Variants in XPOT observed in about 807,000 individuals in gnomAD.
XPOT encodes exportin-T.
XPOT carries 34 observed loss-of-function variants against 128.2 expected under a neutral mutation model. That is an observed-to-expected ratio of 0.27 (90% CI 0.20 to 0.35). XPOT has a LOEUF of 0.35. Ranked by LOEUF, XPOT falls within the 10% of genes least tolerant of loss-of-function variation. The pLI, the probability that XPOT is intolerant of heterozygous loss-of-function variation, is 1.00. For missense variants in XPOT, 838 were observed against 1,125.3 expected, an observed-to-expected ratio of 0.74 and a Z score of 3.65; for synonymous variants, 348 against 394.3, an observed-to-expected ratio of 0.88 and a Z score of 1.39.
chr12:64,434,420 A>T lies in XPOT; in HGVS notation c.2453-87A>T, dbSNP rs539637236. ...CCATTCCACCTGTAAATGATTTTTG[A>T]CTTGTTAATGTATATGAAAAGAGAA... On this transcript the variant is annotated intron_variant, in intron 19 of 24. Transcript: ENST00000332707. The T allele has an allele frequency of 3.7e-6, 3 of 817,586 alleles. No individual in the cohort carries two copies. In the East Asian group the frequency reaches 7.6e-5, roughly 21 times the overall value. 50.6% of individuals were successfully genotyped at this position (817,586 alleles called of 1,614,324 possible).
intron 15 of XPOT, among the ~76,000 whole-genome samples, chr12:64,426,397 G>A (rs555000418): frequency 1.3e-5 from 2 of 151,930 alleles, no homozygotes; most frequent in Admixed American, 6.6e-5. Context: ...ACAGCAACAT[G>A]GATGCAGCTG....
At chr12:64,442,939 G>C (rs1466492910) in intron 23 of XPOT, 1 of 152,732 alleles carries the variant, frequency 6.5e-6, no homozygotes, top group Non-Finnish European at 1.5e-5. Context: ...TCTGCCTCCC[G>C]GGTTCAAGCG....
rs1424144575 is a variant in XPOT, at chr12:64,428,102, A to G, written c.1719A>G (p.Leu573=). 2 of 1,573,092 alleles carry G rather than the reference A, an allele frequency of 1.3e-6. No homozygotes were observed. ...IEDILNRIQD[L]LELSPPENGH... is the part of the protein sequence containing the mutation. ...ATATTTTGAATAGAATACAAGATTTATTAGAGCTTTCTCCACCTGTAAGTA... is the reference window on the plus strand; with the variant it reads ...ATATTTTGAATAGAATACAAGATTTGTTAGAGCTTTCTCCACCTGTAAGTA... The change falls in exon 16 of 25, where the codon TTA becomes TTG. Residue 573 remains leucine (L), a synonymous_variant. Transcript: ENST00000332707.
chr12:64,436,045 C>T (rs1269363880), intron 22 of XPOT, among the ~76,000 whole-genome samples: 5 of 152,016 alleles, frequency 3.3e-5, no homozygotes, highest in Non-Finnish European at 7.4e-5. Context: ...CGACCCCTGC[C>T]TCCCAGATTC....
chr12:64,441,604 T>G (rs1399743766), intron 23 of XPOT, among the ~76,000 whole-genome samples: 1 of 152,238 alleles, frequency 6.6e-6, no homozygotes, highest in East Asian at 1.9e-4. Flanking sequence ...CTTGGAACTC[T>G]TATACGGATT....
intron 14 of XPOT, 51 bp downstream of exon 14, chr12:64,425,508 G>T: frequency 1.3e-6 from 2 of 1,599,302 alleles, no homozygotes; most frequent in South Asian, 2.2e-5. Flanking sequence ...CTAATGACTT[G>T]ATAGTGTAGT....
chr12:64,421,729 CTTTA>C (rs1170165607), intron 9 of XPOT, among the ~76,000 whole-genome samples: 7 of 150,470 alleles, frequency 4.7e-5, no homozygotes, highest in Non-Finnish European at 1.0e-4. Flanking sequence ...TTGAACCTGT[CTTTA>C]TTTGTGAATA....
chr12:64,410,095 G>A lies in XPOT; in HGVS notation c.60G>A (p.Arg20=). ...NPNADSDFRQ[R]ALAYFEQLKI... ...ATGCTGATTCAGACTTTAGACAAAG[G>A]GTAAGTTACTCTGCTGAATCATTTT... is the stretch of plus-strand genomic sequence containing the variant. Residue 20 remains arginine (R), a splice_region_variant and synonymous_variant, in exon 2 of 25, where the codon AGG becomes AGA. Coordinates refer to ENST00000332707, the MANE Select transcript of XPOT (RefSeq NM_007235.6). 2 of 1,613,434 alleles carry A rather than the reference G, an allele frequency of 1.2e-6. No individual in the cohort carries two copies. The highest frequency in any genetic ancestry group is 1.7e-6 in the Non-Finnish European group (2 of 1,179,812).
intron 19 of XPOT, 133 bp from the exon 20 acceptor site, chr12:64,434,374 T>TTTTTTCCCCCTTCA: frequency 1.6e-6 from 1 of 618,984 alleles, no homozygotes; most frequent in South Asian, 2.4e-5. Context: ...CTGTAAATGC[T>TTTTTTCCCCCTTCA]TTTTTCCCCC....
intron 16 of XPOT, 120 bp from the exon 17 acceptor site, chr12:64,429,929 A>G (rs1193268753): frequency 3.4e-6 from 3 of 875,810 alleles, no homozygotes; most frequent in Non-Finnish European, 5.0e-6. Context: ...TTGTCTTTAT[A>G]AGTATTTGAC....
At chr12:64,410,136 C>T in intron 2 of XPOT, 41 bp downstream of exon 2, 2 of 1,585,590 alleles carry the variant, frequency 1.3e-6, no homozygotes, top group South Asian at 2.2e-5. Context: ...CATGTCACCA[C>T]AGATTGGCAT....
intron 6 of XPOT, among the ~76,000 whole-genome samples, chr12:64,419,792 A>G (rs752635301): frequency 3.9e-5 from 6 of 152,218 alleles, no homozygotes; most frequent in Non-Finnish European, 5.9e-5. Context: ...TGTAAGTACT[A>G]TGTTACTATA....
chr12:64,443,763 G>GT (rs1355143977), intron 23 of XPOT, among the ~76,000 whole-genome samples: 1 of 152,036 alleles, frequency 6.6e-6, no homozygotes, highest in African/African-American at 2.4e-5. Flanking sequence ...CCTCAATGGT[G>GT]TTTTTTTGAA....
At chr12:64,410,470 C>G (rs777140235) in intron 2 of XPOT, among the ~76,000 whole-genome samples, 1 of 152,054 alleles carries the variant, frequency 6.6e-6, no homozygotes. Flanking sequence ...TTAACACTTA[C>G]CTTAATGATT....
intron 12 of XPOT, 52 bp from the exon 13 acceptor site, chr12:64,424,986 G>T (rs969333444): frequency 1.9e-6 from 3 of 1,603,656 alleles, no homozygotes; most frequent in Non-Finnish European, 2.6e-6. Flanking sequence ...TGCATAATTT[G>T]CTGTATGAAA....
At chr12:64,439,177 T>C in intron 22 of XPOT, 67 bp from the exon 23 acceptor site, 1 of 1,449,852 alleles carries the variant, frequency 6.9e-7, no homozygotes, top group Non-Finnish European at 9.7e-7. Context: ...ACATGTATTG[T>C]TCCGATTCTT....
chr12:64,434,452 G>A, intron 19 of XPOT, 55 bp from the exon 20 acceptor site: 3 of 1,220,302 alleles, frequency 2.5e-6, no homozygotes, highest in Non-Finnish European at 3.6e-6. Context: ...AGAACTTCAG[G>A]TTGCTTTCCT....
chr12:64,437,582 A>T (rs1160405487), intron 22 of XPOT, among the ~76,000 whole-genome samples: 1 of 152,186 alleles, frequency 6.6e-6, no homozygotes, highest in Non-Finnish European at 1.5e-5. Flanking sequence ...AAAAAATAAG[A>T]TGAGACTAGA....
chr12:64,411,596 A>G (rs2040038934), intron 2 of XPOT, among the ~76,000 whole-genome samples: 1 of 152,254 alleles, frequency 6.6e-6, no homozygotes, highest in African/African-American at 2.4e-5. Context: ...ATCCAGGTCC[A>G]GGCATAATTC....
Sources: allele counts gnomAD v4.1 joint callset (sites outside exome capture counted in the v4.1 genomes callset), GRCh38; gene constraint gnomAD v4.1.1; transcripts MANE v1.5; gene names NCBI Gene and HGNC (gene_info 2026-07-23, HGNC 2026-07-21).